The following ANKRD28 variants were observed in gnomAD, a reference collection of about 807,000 sequenced individuals.
The protein encoded by ANKRD28 is ankyrin repeat domain 28.
In ANKRD28, 44 loss-of-function variants were observed where a neutral mutation model predicts 126.5. That is an observed-to-expected ratio of 0.35 (90% CI 0.27 to 0.45). The LOEUF is 0.45. ANKRD28 is among the 20% of genes least tolerant of loss of function. The pLI is 1.00. For missense variants in ANKRD28, 1,110 were observed against 1,316.6 expected (o/e 0.84, Z 2.43); for synonymous variants, 442 against 468.5 (o/e 0.94, Z 0.73).
chr3:15,765,761 A>C (rs909552478), intron 3 of ANKRD28, among the ~76,000 whole-genome samples: 6 of 151,620 alleles, frequency 4.0e-5, no homozygotes, highest in Non-Finnish European at 8.8e-5. Context: ...AATCACTTGA[A>C]CCAGGGAGCT....
At chr3:15,677,180 C>T (rs2067026085) in intron 25 of ANKRD28, 124 bp from the exon 26 acceptor site, 1 of 768,206 alleles carries the variant, frequency 1.3e-6, no homozygotes. Flanking sequence ...ATGAATTTTC[C>T]TGGCTAATAT....
chr3:15,672,692 G>A (rs747634758), intron 27 of ANKRD28, among the ~76,000 whole-genome samples: 26 of 152,298 alleles, frequency 1.7e-4, no homozygotes, highest in Middle Eastern at 3.4e-3. Context: ...AGGATGCCTT[G>A]GATGAGAGCG....
At chr3:15,732,814 C>G (rs926964670) in intron 6 of ANKRD28, 8 of 152,218 alleles carry the variant, frequency 5.3e-5, no homozygotes, top group African/African-American at 1.9e-4. Context: ...CAAACAAGCC[C>G]AAATCCTTGT....
At chr3:15,671,409 T>G (rs1249354403) in intron 27 of ANKRD28, among the ~76,000 whole-genome samples, 2 of 152,070 alleles carry the variant, frequency 1.3e-5, no homozygotes, top group East Asian at 3.8e-4. Flanking sequence ...TAACATACAT[T>G]TGTATAACCA....
chr3:15,835,041 G>A lies in ANKRD28; in HGVS notation c.27+24336C>T, dbSNP rs1328913791. Reference sequence around the variant, plus strand: ...CGCACACCTGTAATTCCAGCTACTCGGGAGGCTGAGGCATGAGAATCTCTT... The same window carrying A: ...CGCACACCTGTAATTCCAGCTACTCAGGAGGCTGAGGCATGAGAATCTCTT... On this transcript the variant is annotated intron_variant, in intron 1 of 27. Transcript: ENST00000399451. 4.6e-5 allele frequency among the ~76,000 whole-genome samples: 7 copies of A among 152,090 alleles called. No homozygotes were observed. The East Asian group carries it at 1.2e-3, about 25-fold the overall frequency.
chr3:15,676,757 G>T, intron 26 of ANKRD28: 1 of 399,980 alleles, frequency 2.5e-6, no homozygotes, highest in South Asian at 3.7e-5. Flanking sequence ...ATACATTATT[G>T]TCAATGTTAT....
chr3:15,757,984 G>A (rs2058256697), intron 3 of ANKRD28, among the ~76,000 whole-genome samples: 1 of 152,164 alleles, frequency 6.6e-6, no homozygotes, highest in Non-Finnish European at 1.5e-5. Flanking sequence ...TCTTGCCAGA[G>A]TCTGTATGGC....
chr3:15,727,058 T>G (rs1181291273), intron 6 of ANKRD28, among the ~76,000 whole-genome samples: 2 of 152,204 alleles, frequency 1.3e-5, no homozygotes, highest in East Asian at 3.8e-4. Flanking sequence ...TTATTCACAA[T>G]GTACTTGGCC....
chr3:15,782,436 G>A (rs571547288), intron 2 of ANKRD28, among the ~76,000 whole-genome samples: 1 of 152,054 alleles, frequency 6.6e-6, no homozygotes, highest in Non-Finnish European at 1.5e-5. Flanking sequence ...AAATTAATAA[G>A]CTTTGTCATA....
intron 1 of ANKRD28, among the ~76,000 whole-genome samples, chr3:15,806,000 G>A (rs1157819456): frequency 6.6e-6 from 1 of 152,028 alleles, no homozygotes; most frequent in African/African-American, 2.4e-5. Flanking sequence ...GAACCATATT[G>A]GAGACAAAAA....
chr3:15,852,649 C>A (rs550929296), intron 1 of ANKRD28, among the ~76,000 whole-genome samples: 1 of 151,258 alleles, frequency 6.6e-6, no homozygotes, highest in African/African-American at 2.4e-5. Context: ...CTGGCTAACA[C>A]GGTGAAACCC....
Position 15,670,209 on chromosome 3 carries a change from CT to C in ANKRD28, c.*60del. On this transcript the variant is annotated 3_prime_UTR_variant, in exon 28 of 28. Coordinates refer to ENST00000683139, the MANE Select transcript of ANKRD28 (RefSeq NM_001349278.2). ...AATTTCTACGTGAATATCAAAGTGCCTTTTTCCTGAAAAAGCACAGTTTGAA... is the reference window on the plus strand; with the variant it reads ...AATTTCTACGTGAATATCAAAGTGCCTTTTCCTGAAAAAGCACAGTTTGAA... 2.6e-6 allele frequency: 4 copies of C among 1,552,560 alleles called. No individual in the cohort carries two copies. Among genetic ancestry groups the C allele is most frequent in the Non-Finnish European group, 3.5e-6 (4 of 1,143,758 alleles).
Position 15,735,443 on chromosome 3 carries a change from C to G in ANKRD28, c.607G>C (p.Asp203His). Residue 203 changes from aspartate (D) to histidine (H), a missense_variant, in exon 6 of 28, where the codon GAT (aspartate) becomes CAT (histidine). Transcript: ENST00000683139. ...GANINAFDKK[D>H]RRAIHWAAYM... ...GCTGCCCAATGGATAGCACGCCTATCTTTCTTGTCAAAAGCATTAATATTG... is the reference window on the plus strand; with the variant it reads ...GCTGCCCAATGGATAGCACGCCTATGTTTCTTGTCAAAAGCATTAATATTG... The G allele has an allele frequency of 6.4e-7, 1 of 1,560,626 alleles. No individual in the cohort carries two copies. The highest frequency in any genetic ancestry group is 8.7e-7 in the Non-Finnish European group (1 of 1,151,136).
chr3:15,744,958 G>A (rs538156045), intron 4 of ANKRD28, among the ~76,000 whole-genome samples: 241 of 151,960 alleles, frequency 1.6e-3, no homozygotes, highest in Non-Finnish European at 2.2e-3. Flanking sequence ...AAGTGGTATC[G>A]CTTTGTGGTT....
intron 2 of ANKRD28, among the ~76,000 whole-genome samples, chr3:15,782,786 C>G (rs1163432525): frequency 2.0e-5 from 3 of 152,084 alleles, no homozygotes; most frequent in African/African-American, 7.2e-5. Flanking sequence ...TTTGTACAAG[C>G]AGATCAGAGT....
chr3:15,802,910 T>G (rs1378291213), upstream of ANKRD28, among the ~76,000 whole-genome samples: 2 of 152,220 alleles, frequency 1.3e-5, no homozygotes, highest in African/African-American at 4.8e-5. Flanking sequence ...ATCCTTGTTC[T>G]AATGAACCAT....
intron 17 of ANKRD28, among the ~76,000 whole-genome samples, chr3:15,691,708 A>C (rs2068826310): frequency 6.6e-6 from 1 of 152,234 alleles, no homozygotes; most frequent in Non-Finnish European, 1.5e-5. Context: ...AAGTGACTGT[A>C]GGTCACGGAA....
At chr3:15,763,258 T>TA (rs1484536180) in intron 3 of ANKRD28, among the ~76,000 whole-genome samples, 2 of 152,236 alleles carry the variant, frequency 1.3e-5, no homozygotes, top group African/African-American at 4.8e-5. Flanking sequence ...CCTTTCCACT[T>TA]ACCTGATACC....
Position 15,685,366 on chromosome 3 carries a change from C to T in ANKRD28, c.2249G>A (p.Arg750Gln), listed in dbSNP as rs774955161. ...AKCLLRDSRG[R>Q]TPIHLSAACG... ...GGCAGCAGACAGGTGTATAGGCGTCCGGCCCCTGCTATCCCGAAGTAAGCA... is the reference window on the plus strand; with the variant it reads ...GGCAGCAGACAGGTGTATAGGCGTCTGGCCCCTGCTATCCCGAAGTAAGCA... The change falls in exon 21 of 28, where the codon CGG (arginine) becomes CAG (glutamine). Residue 750 changes from arginine to glutamine, a missense_variant. Coordinates refer to ENST00000683139, the MANE Select transcript of ANKRD28 (RefSeq NM_001349278.2). 1.7e-5 allele frequency: 27 copies of T among 1,613,864 alleles called. No individual in the cohort carries two copies. Among genetic ancestry groups the T allele is most frequent in the Admixed American group, 5.0e-5 (3 of 59,996 alleles).
Sources: gnomAD v4.1 joint callset for allele counts (sites outside exome capture counted in the v4.1 genomes callset) on GRCh38, gnomAD v4.1.1 for gene constraint, MANE v1.5 for transcripts, NCBI Gene and HGNC (gene_info 2026-07-23, HGNC 2026-07-21) for gene names.